The following PIKFYVE variants were observed in gnomAD, a reference collection of about 807,000 sequenced individuals.
PIKFYVE encodes phosphoinositide kinase, FYVE-type zinc finger containing, also known as 1-phosphatidylinositol 3-phosphate 5-kinase.
A neutral mutation model predicts 257.9 loss-of-function variants in PIKFYVE; 122 were observed. That is an observed-to-expected ratio of 0.47 (90% confidence interval 0.41 to 0.55). The LOEUF is 0.55. PIKFYVE is among the 20% of genes least tolerant of loss of function. PIKFYVE has a pLI of 0.00. For synonymous variants in PIKFYVE, 892 were observed against 868.9 expected (o/e 1.03, Z -0.47); for missense variants, 2,160 against 2,536.6 (o/e 0.85, Z 3.19).
intron 5 of PIKFYVE, among the ~76,000 whole-genome samples, chr2:208,278,868 G>A (rs1690446822): frequency 6.6e-6 from 1 of 152,088 alleles, no homozygotes; most frequent in Non-Finnish European, 1.5e-5. Context: ...ATGAACATAC[G>A]AGTACATGTG....
intron 1 of PIKFYVE, among the ~76,000 whole-genome samples, chr2:208,268,863 TAATTA>T (rs1396816126): frequency 6.6e-6 from 1 of 152,134 alleles, no homozygotes; most frequent in Non-Finnish European, 1.5e-5. Flanking sequence ...CTTAATTTAT[TAATTA>T]AATTATTGAT....
intron 7 of PIKFYVE, among the ~76,000 whole-genome samples, chr2:208,289,632 G>A (rs570890346): frequency 6.4e-4 from 98 of 151,990 alleles, no homozygotes; most frequent in African/African-American, 2.2e-3. Flanking sequence ...GGGTTTCACC[G>A]TGTTAGCCAG....
At chr2:208,316,598 G>A (rs1321080709) in intron 15 of PIKFYVE, among the ~76,000 whole-genome samples, 1 of 152,052 alleles carries the variant, frequency 6.6e-6, no homozygotes, top group East Asian at 1.9e-4. Flanking sequence ...ATCTCATTGT[G>A]GTTTTGATTT....
At chr2:208,301,217 A>T in intron 9 of PIKFYVE, 123 bp downstream of exon 9, 1 of 1,259,142 alleles carries the variant, frequency 7.9e-7, no homozygotes, top group Non-Finnish European at 1.1e-6. Context: ...TATGTAATTG[A>T]TGGTTTAGGG....
chr2:208,317,447 A>C (rs905893419), intron 15 of PIKFYVE, among the ~76,000 whole-genome samples: 2 of 151,642 alleles, frequency 1.3e-5, no homozygotes, highest in African/African-American at 4.8e-5. Flanking sequence ...TTTTAAGCTC[A>C]TCAGCTGTTA....
At chr2:208,281,181 T>A (rs1015213648) in intron 5 of PIKFYVE, among the ~76,000 whole-genome samples, 1 of 152,220 alleles carries the variant, frequency 6.6e-6, no homozygotes, top group African/African-American at 2.4e-5. Flanking sequence ...TTTTAACATT[T>A]CAATCTCCCC....
rs1275363989 is a variant in PIKFYVE, at chr2:208,325,361, T to A, written c.2550T>A (p.Ala850=). ...KLRGGSDYEL[A]RVKEILIFMI... ...GAGGAGGCTCTGATTATGAGCTGGC[T>A]CGAGTTAAGGAGATCCTAATATTTA... Residue 850 remains alanine, a synonymous_variant, in exon 20 of 42, where the codon GCT becomes GCA. Coordinates refer to ENST00000264380, the MANE Select transcript of PIKFYVE (RefSeq NM_015040.4). The A allele has an allele frequency of 6.2e-7, 1 of 1,613,992 alleles. No homozygotes were observed. The highest frequency in any genetic ancestry group is 8.5e-7 in the Non-Finnish European group (1 of 1,179,988).
In PIKFYVE at chr2:208,285,749, T is replaced by G; in HGVS notation, c.637T>G (p.Cys213Gly). 1 of 1,614,022 alleles carries G rather than the reference T, an allele frequency of 6.2e-7. No homozygotes were observed. The highest frequency in any genetic ancestry group is 8.5e-7 in the Non-Finnish European group (1 of 1,179,906). Residue 213 changes from cysteine (C) to glycine (G), a missense_variant, in exon 6 of 42, where the codon TGT (cysteine) becomes GGT (glycine). Physicochemically the swap from Cys to Gly is radical, Grantham distance 159 (BLOSUM62 -3). Around this residue, in one of 12 missense-constraint regions of PIKFYVE, gnomAD observed 187 missense variants for 185.6 expected, o/e 1.01. Transcript: ENST00000264380. ...AGGAGACCTCCGAGCTTGCACATATTGTAGAAAAATAGCCTTAAGTTATGC... is the reference window on the plus strand; with the variant it reads ...AGGAGACCTCCGAGCTTGCACATATGGTAGAAAAATAGCCTTAAGTTATGC... The part of the protein sequence containing the change: ...YTGDLRACTY[C>G]RKIALSYAHS...
intron 20 of PIKFYVE, among the ~76,000 whole-genome samples, chr2:208,327,895 T>G (rs574763973): frequency 6.6e-6 from 1 of 152,330 alleles, no homozygotes; most frequent in South Asian, 2.1e-4. Flanking sequence ...AATTAATTTT[T>G]TTCCAAAATA....
At position 208,357,187 on chromosome 2, in the gene PIKFYVE, T is replaced by A. The variant is rs763561359; in HGVS notation, c.*1882T>A. 2 of 152,208 alleles carry A rather than the reference T, an allele frequency of 1.3e-5. No individual in the cohort carries two copies. The highest frequency in any genetic ancestry group is 2.9e-5 in the Non-Finnish European group (2 of 68,030). The allele number at this position is 152,208 out of a possible 1,614,324, so 9.4% of individuals were successfully genotyped here. On this transcript the variant is annotated 3_prime_UTR_variant, in exon 42 of 42. Transcript: ENST00000264380. The stretch of plus-strand genomic sequence containing the variant: ...AAGGAGCTGTACAGAGGTAAAAAAA[T>A]AAATGTGGAACATTATTAACTTACT...
intron 7 of PIKFYVE, 93 bp downstream of exon 7, chr2:208,288,911 T>A: frequency 1.4e-6 from 2 of 1,451,162 alleles, no homozygotes; most frequent in Non-Finnish European, 1.9e-6. Context: ...TGGGATTGAT[T>A]GTCATATACT....
At chr2:208,344,635 A>G (rs2125754903) in intron 32 of PIKFYVE, among the ~76,000 whole-genome samples, 1 of 151,638 alleles carries the variant, frequency 6.6e-6, no homozygotes, top group Admixed American at 6.6e-5. Context: ...CATGACATTT[A>G]TCTAAAGCAG....
Position 208,285,874 on chromosome 2 carries a change from T to A in PIKFYVE, c.762T>A (p.Pro254=), listed in dbSNP as rs1266448899. The A allele has an allele frequency of 6.2e-7, 1 of 1,614,042 alleles. No individual in the cohort carries two copies. Among genetic ancestry groups the A allele is most frequent in the Non-Finnish European group, 8.5e-7 (1 of 1,180,042 alleles). Residue 254 remains proline (P), a synonymous_variant, in exon 6 of 42, where the codon CCT becomes CCA. Transcript: ENST00000264380. ...SVLDPSEPRT[P]VGSRKASRNI... is the part of the protein sequence containing the mutation. ...TTGATCCAAGTGAACCCCGAACACCTGTTGGGAGTAGGAAAGCCAGCCGTA... is the reference window on the plus strand; with the variant it reads ...TTGATCCAAGTGAACCCCGAACACCAGTTGGGAGTAGGAAAGCCAGCCGTA...
chr2:208,300,110 T>C (rs963961179), intron 8 of PIKFYVE, among the ~76,000 whole-genome samples: 7 of 152,152 alleles, frequency 4.6e-5, no homozygotes, highest in African/African-American at 1.7e-4. Flanking sequence ...GTAGTAATAC[T>C]TTAATAATAA....
At chr2:208,339,593 C>T (rs749422508) in intron 30 of PIKFYVE, 38 bp downstream of exon 30, 11 of 1,608,214 alleles carry the variant, frequency 6.8e-6, no homozygotes, top group African/African-American at 6.7e-5. Context: ...TTCATTGTAT[C>T]TAAGACTGAA....
Position 208,352,789 on chromosome 2 carries a change from G to A in PIKFYVE, c.5844+7G>A. On this transcript the variant is annotated splice_region_variant and intron_variant, in intron 39 of 41. Transcript: ENST00000264380. ...CGGGAGAAAGATGGCACAGGTAAGG[G>A]TATTGGACTATGTGAAGCATTTAGC... 4 of 1,612,148 alleles carry A rather than the reference G, an allele frequency of 2.5e-6. No homozygotes were observed. In the South Asian group the frequency reaches 4.4e-5, roughly 18 times the overall value.
chr2:208,290,972 A>G (rs992676109), intron 7 of PIKFYVE, among the ~76,000 whole-genome samples: 3 of 152,092 alleles, frequency 2.0e-5, no homozygotes, highest in Non-Finnish European at 2.9e-5. Context: ...TTCCTTCCCA[A>G]TCAGTGTACT....
At chr2:208,302,807 C>CATCACT (rs1693855675) in intron 10 of PIKFYVE, among the ~76,000 whole-genome samples, 1 of 152,012 alleles carries the variant, frequency 6.6e-6, no homozygotes, top group African/African-American at 2.4e-5. Flanking sequence ...TGGCTGGGTA[C>CATCACT]GGTGGCTCAC....
chr2:208,335,084 TG>T (rs1272607003), intron 24 of PIKFYVE, among the ~76,000 whole-genome samples: 1 of 152,158 alleles, frequency 6.6e-6, no homozygotes, highest in African/African-American at 2.4e-5. Context: ...GGATAAATGA[TG>T]GTACTACAGC....
Sources: allele counts gnomAD v4.1 joint callset (sites outside exome capture counted in the v4.1 genomes callset), GRCh38; gene constraint gnomAD v4.1.1; regional missense constraint gnomAD v4.1.1; transcripts MANE v1.5; gene names NCBI Gene and HGNC (gene_info 2026-07-23, HGNC 2026-07-21).